Variants in MAGI1 observed in about 807,000 individuals in gnomAD.
MAGI1 encodes the protein membrane associated guanylate kinase, WW and PDZ domain containing 1, also known as membrane-associated guanylate kinase, WW and PDZ domain-containing protein 1.
A neutral mutation model predicts 139.9 loss-of-function variants in MAGI1; 58 were observed. The observed-to-expected ratio is 0.41, with a 90% confidence interval of 0.34 to 0.52. MAGI1 has a LOEUF of 0.52. Ranked by LOEUF, MAGI1 falls within the 20% of genes least tolerant of loss-of-function variation. The pLI is 0.12. For synonymous variants in MAGI1, 812 were observed against 737.9 expected, an observed-to-expected ratio of 1.10 and a Z score of -1.63; for missense variants, 1,874 against 1,901.6, an observed-to-expected ratio of 0.99 and a Z score of 0.27.
At chr3:65,734,517 A>AAGAGAGAAAGAGAGAGGGGGAG (rs2034524644) in intron 1 of MAGI1, among the ~76,000 whole-genome samples, 5 of 149,018 alleles carry the variant, frequency 3.4e-5, no homozygotes, top group Admixed American at 2.7e-4. Flanking sequence ...GAGAGAAAGA[A>AAGAGAGAAAGAGAGAGGGGGAG]AGAGAGAAAG....
At chr3:65,721,324 T>G (rs1432363076) in intron 1 of MAGI1, among the ~76,000 whole-genome samples, 1 of 152,212 alleles carries the variant, frequency 6.6e-6, no homozygotes, top group Non-Finnish European at 1.5e-5. Flanking sequence ...CTCTACCTCT[T>G]CTGAGGCAGG....
At chr3:65,559,859 A>G (rs1414158533) in intron 2 of MAGI1, among the ~76,000 whole-genome samples, 1 of 152,082 alleles carries the variant, frequency 6.6e-6, no homozygotes, top group South Asian at 2.1e-4. Flanking sequence ...ACATAGTAAG[A>G]CCCTATGTGT....
At chr3:65,745,523 A>G (rs62244004) in intron 1 of MAGI1, among the ~76,000 whole-genome samples, 3 of 152,254 alleles carry the variant, frequency 2.0e-5, no homozygotes, top group Non-Finnish European at 4.4e-5. Flanking sequence ...GTTACAAATG[A>G]ACATAAGAAG....
chr3:65,621,490 C>A (rs1559728504), intron 2 of MAGI1, among the ~76,000 whole-genome samples: 1 of 152,108 alleles, frequency 6.6e-6, no homozygotes, highest in East Asian at 1.9e-4. Context: ...ATGAAGTTGG[C>A]CAAAAGGAGA....
chr3:65,659,952 C>T (rs1460311300), intron 1 of MAGI1, among the ~76,000 whole-genome samples: 3 of 152,110 alleles, frequency 2.0e-5, no homozygotes, highest in East Asian at 1.9e-4. Context: ...TAGTTTATGA[C>T]CCACCCAGAA....
At chr3:65,386,973 C>T (rs1056971574) in intron 14 of MAGI1, among the ~76,000 whole-genome samples, 7 of 152,264 alleles carry the variant, frequency 4.6e-5, no homozygotes, top group Middle Eastern at 3.4e-3. Context: ...CTTTTTATTC[C>T]ATCTTGTCTT....
At chr3:65,387,310 G>T in intron 14 of MAGI1, 1 of 982,700 alleles carries the variant, frequency 1.0e-6, no homozygotes, top group Non-Finnish European at 1.6e-6. Flanking sequence ...GATTGATAAG[G>T]AACAGTCAGT....
At chr3:65,621,900 T>C (rs889889907) in intron 2 of MAGI1, 72 bp downstream of exon 2, 4 of 1,098,268 alleles carry the variant, frequency 3.6e-6, no homozygotes, top group Admixed American at 2.1e-5. Flanking sequence ...TGAGATCTCC[T>C]TTCTCCCCTG....
chr3:66,013,538 G>C (rs1049801333), intron 1 of MAGI1, among the ~76,000 whole-genome samples: 1 of 151,876 alleles, frequency 6.6e-6, no homozygotes, highest in African/African-American at 2.4e-5. Flanking sequence ...AAGGTGGGCG[G>C]ATCACGAGAT....
chr3:65,822,887 C>T (rs1053931109), intron 1 of MAGI1, among the ~76,000 whole-genome samples: 5 of 152,164 alleles, frequency 3.3e-5, no homozygotes, highest in African/African-American at 1.2e-4. Context: ...CCAATCACTC[C>T]CACAAGGCCC....
chr3:65,797,521 G>A (rs1247963157), intron 1 of MAGI1, among the ~76,000 whole-genome samples: 1 of 152,048 alleles, frequency 6.6e-6, no homozygotes, highest in Admixed American at 6.6e-5. Context: ...CCCAGAGTTC[G>A]AGACCAGCCT....
chr3:65,580,754 C>T (rs1316549414), intron 2 of MAGI1, among the ~76,000 whole-genome samples: 4 of 152,156 alleles, frequency 2.6e-5, no homozygotes, highest in East Asian at 3.9e-4. Flanking sequence ...ACTGACAAGT[C>T]GCTTCTATAA....
chr3:65,475,305 C>T (rs769396818), intron 4 of MAGI1, among the ~76,000 whole-genome samples: 9 of 152,094 alleles, frequency 5.9e-5, no homozygotes, highest in Non-Finnish European at 7.3e-5. Context: ...CCTCTGCCTC[C>T]GGGGTTCAAG....
At chr3:65,582,130 T>C (rs931952885) in intron 2 of MAGI1, among the ~76,000 whole-genome samples, 4 of 152,190 alleles carry the variant, frequency 2.6e-5, no homozygotes, top group African/African-American at 9.7e-5. Context: ...GTTTTAGACA[T>C]GATTATAGGC....
intron 1 of MAGI1, among the ~76,000 whole-genome samples, chr3:65,887,931 G>C (rs1011182887): frequency 3.3e-5 from 5 of 152,084 alleles, no homozygotes; most frequent in Admixed American, 6.5e-5. Flanking sequence ...TTCATCGTTA[G>C]CAACTATTAG....
chr3:65,896,147 T>C (rs977459637), intron 1 of MAGI1, among the ~76,000 whole-genome samples: 24 of 152,090 alleles, frequency 1.6e-4, no homozygotes, highest in African/African-American at 4.1e-4. Flanking sequence ...CTATAGGCAA[T>C]AGACAAAAGG....
chr3:65,549,644 C>G (rs963632218), intron 2 of MAGI1: 6 of 205,500 alleles, frequency 2.9e-5, no homozygotes, highest in Non-Finnish European at 8.6e-6. Flanking sequence ...CTACACGCCC[C>G]CCGGGAGTGC....
At chr3:65,756,092 T>C (rs1236851283) in intron 1 of MAGI1, among the ~76,000 whole-genome samples, 3 of 152,174 alleles carry the variant, frequency 2.0e-5, no homozygotes, top group African/African-American at 7.2e-5. Flanking sequence ...AGTTAAAAAT[T>C]ATCGTGTCGG....
intron 22 of MAGI1, 29 bp from the exon 23 acceptor site, chr3:65,357,161 T>G (rs770773818): frequency 6.3e-7 from 1 of 1,578,662 alleles, no homozygotes; most frequent in South Asian, 1.2e-5. Context: ...AGAGCAACAG[T>G]TGGGTACGAA....
Sources: allele counts gnomAD v4.1 joint callset (sites outside exome capture counted in the v4.1 genomes callset), GRCh38; gene constraint gnomAD v4.1.1; transcripts MANE v1.5; gene names NCBI Gene and HGNC (gene_info 2026-07-23, HGNC 2026-07-21).